HDX: variants seen among roughly 807,000 people sequenced by gnomAD.
HDX encodes chromosome X open reading frame 43.
Under a neutral mutation model 45.2 loss-of-function variants are expected in HDX, and 19 were observed. The ratio of observed to expected loss-of-function variants is 0.42; its 90% CI spans 0.29 to 0.62. HDX has a LOEUF of 0.62. HDX is among the 20% of genes least tolerant of loss of function. HDX has a pLI of 0.20. For synonymous variants in HDX, 188 were observed against 172.8 expected, an observed-to-expected ratio of 1.09 and a Z score of -0.69; for missense variants, 532 against 493.9, an observed-to-expected ratio of 1.08 and a Z score of -0.73.
Position 84,475,306 on chromosome X carries a change from A to G in HDX, c.92T>C (p.Phe31Ser), listed in dbSNP as rs371187660. Residue 31 changes from phenylalanine to serine, a missense_variant, in exon 3 of 11, where the codon TTT becomes TCT. Physicochemically the swap from Phe to Ser is radical, Grantham distance 155. This residue lies in a region of HDX where 376 missense variants were observed against 343.7 expected (regional missense o/e 1.09). Coordinates refer to ENST00000373177, the MANE Select transcript of HDX (RefSeq NM_001177479.2). ...NGMTNQSKNC[F>S]QLILQCAQET... ...CTGTGCACACTGTAATATGAGCTGAAAGCAATTTTTACTTTGATTTGTCAT... is the reference window on the plus strand; with the variant it reads ...CTGTGCACACTGTAATATGAGCTGAGAGCAATTTTTACTTTGATTTGTCAT... 1.2e-5 allele frequency: 14 copies of G among 1,195,090 alleles called. No individual in the cohort carries two copies. The highest frequency in any genetic ancestry group is 1.6e-5 in the Non-Finnish European group (14 of 883,474).
intron 5 of HDX, among the ~76,000 whole-genome samples, chrX:84,436,821 T>A (rs900891949): frequency 1.7e-5 from 1 of 57,944 alleles, no homozygotes; most frequent in Non-Finnish European, 3.2e-5. Flanking sequence ...GTTTTGTAAA[T>A]GTTTGCTGGG....
At chrX:84,369,141 A>G (rs769927550) in intron 5 of HDX, among the ~76,000 whole-genome samples, 1 of 111,673 alleles carries the variant, frequency 9.0e-6, no homozygotes, top group Non-Finnish European at 1.9e-5. Context: ...ACTACTCTAG[A>G]TAGCTCATAT....
intron 5 of HDX, among the ~76,000 whole-genome samples, chrX:84,421,338 C>A (rs1326363252): frequency 9.0e-6 from 1 of 111,126 alleles, no homozygotes; most frequent in Admixed American, 9.5e-5. Flanking sequence ...TTTGTTTATG[C>A]AAGCAGGGTT....
chrX:84,421,393 A>C (rs2039249468), intron 5 of HDX, among the ~76,000 whole-genome samples: 1 of 111,698 alleles, frequency 9.0e-6, no homozygotes, highest in African/African-American at 3.3e-5. Flanking sequence ...ATAGTATTTG[A>C]ATGCCTCATG....
chrX:84,487,358 C>T (rs1264511170), intron 2 of HDX, among the ~76,000 whole-genome samples: 1 of 112,033 alleles, frequency 8.9e-6, no homozygotes, highest in Non-Finnish European at 1.9e-5. Context: ...TGTTTAAATT[C>T]TATTTTGGTT....
chrX:84,353,071 T>C (rs1325618635), intron 6 of HDX, among the ~76,000 whole-genome samples: 1 of 112,174 alleles, frequency 8.9e-6, no homozygotes, highest in African/African-American at 3.2e-5. Flanking sequence ...ATGATAAAGG[T>C]AAAACAATAT....
At chrX:84,473,538 C>G (rs2148149713) in intron 3 of HDX, among the ~76,000 whole-genome samples, 1 of 111,042 alleles carries the variant, frequency 9.0e-6, no homozygotes, top group African/African-American at 3.3e-5. Context: ...TACTGATAAT[C>G]TACATTCTAA....
chrX:84,425,209 A>C (rs898581632), intron 5 of HDX, among the ~76,000 whole-genome samples: 2 of 112,313 alleles, frequency 1.8e-5, no homozygotes, highest in East Asian at 2.8e-4. Context: ...GAGATATATG[A>C]AAATGTGCTC....
intron 2 of HDX, 44 bp downstream of exon 2, chrX:84,487,980 G>A (rs143814621): frequency 0.023 from 2,558 of 111,406 alleles, 29 homozygotes; most frequent in Non-Finnish European, 0.029. Flanking sequence ...ATCCAGCCTT[G>A]GGTCAAAGTC....
At chrX:84,372,485 C>A (rs1280643096) in intron 5 of HDX, among the ~76,000 whole-genome samples, 2 of 111,906 alleles carry the variant, frequency 1.8e-5, no homozygotes, top group Non-Finnish European at 3.8e-5. Flanking sequence ...AAGCACACAG[C>A]AAGTTTACAT....
chrX:84,437,945 G>T (rs1289112856), intron 5 of HDX, among the ~76,000 whole-genome samples: 1 of 111,230 alleles, frequency 9.0e-6, no homozygotes, highest in Non-Finnish European at 1.9e-5. Context: ...ACAGAGAGTA[G>T]CTCTCCTGAC....
At chrX:84,462,309 G>C (rs968766342) in intron 4 of HDX, among the ~76,000 whole-genome samples, 1 of 111,940 alleles carries the variant, frequency 8.9e-6, no homozygotes, top group Non-Finnish European at 1.9e-5. Flanking sequence ...AATGTGGTAC[G>C]TATACACAAT....
chrX:84,476,885 C>G (rs991343063), intron 2 of HDX, among the ~76,000 whole-genome samples: 2 of 111,330 alleles, frequency 1.8e-5, no homozygotes, highest in African/African-American at 3.3e-5. Context: ...CAGATGTAGG[C>G]GAGCACCAGG....
At chrX:84,401,285 C>G (rs1372221078) in intron 5 of HDX, among the ~76,000 whole-genome samples, 1 of 111,691 alleles carries the variant, frequency 9.0e-6, no homozygotes, top group Non-Finnish European at 1.9e-5. Context: ...AATGGGAGAA[C>G]TTTTTTCCAA....
Position 84,468,471 on chromosome X carries a change from C to T in HDX, c.1251+1G>A. On this transcript the variant is annotated splice_donor_variant, in intron 4 of 10. Coordinates refer to ENST00000373177, the MANE Select transcript of HDX (RefSeq NM_001177479.2). LOFTEE classifies it high-confidence loss of function. Reference sequence around the variant, plus strand: ...CTTTATAAAATAAATTTACACATTACCTGGTAATTGTTTTGGTTTTGTGAT... The same window carrying T: ...CTTTATAAAATAAATTTACACATTATCTGGTAATTGTTTTGGTTTTGTGAT... 9.0e-7 allele frequency: 1 copy of T among 1,112,489 alleles called. No homozygotes were observed. The highest frequency in any genetic ancestry group is 1.2e-6 in the Non-Finnish European group (1 of 827,906). The allele number at this position is 1,112,489 out of a possible 1,213,427, so 91.7% of individuals were successfully genotyped here.
intron 1 of HDX, among the ~76,000 whole-genome samples, chrX:84,498,983 G>A (rs1000426310): frequency 1.8e-5 from 2 of 111,459 alleles, no homozygotes; most frequent in African/African-American, 6.5e-5. Context: ...TCTTGACTGT[G>A]ACGTATAGTA....
At chrX:84,382,970 T>C (rs2038224351) in intron 5 of HDX, among the ~76,000 whole-genome samples, 1 of 111,439 alleles carries the variant, frequency 9.0e-6, no homozygotes, top group Non-Finnish European at 1.9e-5. Flanking sequence ...CCGCATAATA[T>C]ATATACCTAC....
intron 9 of HDX, among the ~76,000 whole-genome samples, chrX:84,332,514 A>T (rs973935649): frequency 9.0e-6 from 1 of 110,732 alleles, no homozygotes; most frequent in African/African-American, 3.3e-5. Flanking sequence ...AAGAGGGGAG[A>T]GGTCTTGGAA....
At chrX:84,415,289 A>C (rs1262062110) in intron 5 of HDX, among the ~76,000 whole-genome samples, 1 of 112,186 alleles carries the variant, frequency 8.9e-6, no homozygotes, top group East Asian at 2.8e-4. Flanking sequence ...CCAATAGTGC[A>C]CACCAGAGGG....
Sources: allele counts gnomAD v4.1 joint callset (sites outside exome capture counted in the v4.1 genomes callset), GRCh38; gene constraint gnomAD v4.1.1; regional missense constraint gnomAD v4.1.1; transcripts MANE v1.5; gene names NCBI Gene and HGNC (gene_info 2026-07-23, HGNC 2026-07-21).